The following PARVA variants were observed in gnomAD, a reference collection of about 807,000 sequenced individuals.
PARVA encodes the protein parvin alpha, also known as alpha-parvin.
Under a neutral mutation model 52.6 loss-of-function variants are expected in PARVA, and 25 were observed. That is an observed-to-expected ratio of 0.48 (90% CI 0.35 to 0.66). The LOEUF (loss-of-function observed/expected upper bound fraction) is 0.66. PARVA is among the 30% of genes least tolerant of loss of function. The pLI, the probability that PARVA is intolerant of heterozygous loss-of-function variation, is 0.01. For synonymous variants in PARVA, 185 were observed against 179.1 expected, an observed-to-expected ratio of 1.03 and a Z score of -0.26; for missense variants, 373 against 450.9, an observed-to-expected ratio of 0.83 and a Z score of 1.56.
At chr11:12,402,202 A>T (rs1369415096) in intron 1 of PARVA, among the ~76,000 whole-genome samples, 3 of 152,174 alleles carry the variant, frequency 2.0e-5, no homozygotes, top group Non-Finnish European at 4.4e-5. Flanking sequence ...TTAGATAAGA[A>T]GTAAGGGGAC....
intron 12 of PARVA, among the ~76,000 whole-genome samples, chr11:12,520,286 A>G (rs796120180): frequency 3.9e-5 from 6 of 152,366 alleles, no homozygotes; most frequent in African/African-American, 1.4e-4. Flanking sequence ...TGGAAATAGC[A>G]TTTTATGAAA....
At chr11:12,453,167 G>A in intron 1 of PARVA, 1 of 382,944 alleles carries the variant, frequency 2.6e-6, no homozygotes, top group Non-Finnish European at 5.3e-6. Context: ...TGCATTTGAA[G>A]GGTTTTTATA....
intron 1 of PARVA, among the ~76,000 whole-genome samples, chr11:12,391,884 T>C (rs1304665269): frequency 1.3e-5 from 2 of 152,290 alleles, no homozygotes; most frequent in East Asian, 1.9e-4. Flanking sequence ...GAGATACAAT[T>C]CACCCATTTA....
chr11:12,484,549 G>GTGTGTGTGTGTGT (rs1564859308), intron 4 of PARVA, among the ~76,000 whole-genome samples: 6 of 130,312 alleles, frequency 4.6e-5, no homozygotes, highest in African/African-American at 1.4e-4. Context: ...GTGTGTGTGT[G>GTGTGTGTGTGTGT]GTTTTCTTTT....
At chr11:12,385,138 C>T (rs887867399) in intron 1 of PARVA, among the ~76,000 whole-genome samples, 20 of 152,100 alleles carry the variant, frequency 1.3e-4, no homozygotes, top group Non-Finnish European at 5.9e-5. Flanking sequence ...GAGTTCAAGA[C>T]CAGCCTGGGC....
intron 1 of PARVA, among the ~76,000 whole-genome samples, chr11:12,451,088 C>G (rs1465082460): frequency 6.6e-6 from 1 of 152,232 alleles, no homozygotes; most frequent in East Asian, 1.9e-4. Context: ...CAGTTGAGGC[C>G]TAGCTGTGGC....
At chr11:12,379,996 G>A (rs1296613195) in intron 1 of PARVA, among the ~76,000 whole-genome samples, 1 of 152,136 alleles carries the variant, frequency 6.6e-6, no homozygotes, top group African/African-American at 2.4e-5. Flanking sequence ...TTATCTCTCT[G>A]TACCTATCAC....
At chr11:12,492,954 T>G (rs1190487842) in intron 4 of PARVA, among the ~76,000 whole-genome samples, 1 of 152,096 alleles carries the variant, frequency 6.6e-6, no homozygotes, top group Admixed American at 6.6e-5. Flanking sequence ...TTTTGAAAAA[T>G]AATGAGTTAT....
intron 4 of PARVA, among the ~76,000 whole-genome samples, chr11:12,489,619 C>T (rs762131099): frequency 6.6e-6 from 1 of 152,064 alleles, no homozygotes; most frequent in Non-Finnish European, 1.5e-5. Flanking sequence ...AGACATGAAT[C>T]CTCAGATTCA....
chr11:12,379,411 C>T (rs377494833), intron 1 of PARVA, among the ~76,000 whole-genome samples: 5 of 152,098 alleles, frequency 3.3e-5, no homozygotes, highest in East Asian at 1.9e-4. Flanking sequence ...ATATCCATCA[C>T]GTTAAAGATT....
chr11:12,488,925 T>G (rs989033474), intron 4 of PARVA, among the ~76,000 whole-genome samples: 3 of 152,010 alleles, frequency 2.0e-5, no homozygotes, highest in Non-Finnish European at 4.4e-5. Flanking sequence ...GAATATGACC[T>G]CAAAATTAGA....
intron 1 of PARVA, among the ~76,000 whole-genome samples, chr11:12,471,076 G>T (rs1363848866): frequency 6.6e-6 from 1 of 152,216 alleles, no homozygotes; most frequent in Non-Finnish European, 1.5e-5. Flanking sequence ...GAGAACTTAA[G>T]AGTGATTCCT....
intron 1 of PARVA, among the ~76,000 whole-genome samples, chr11:12,437,675 T>C (rs561031604): frequency 6.6e-6 from 1 of 152,290 alleles, no homozygotes; most frequent in African/African-American, 2.4e-5. Flanking sequence ...TAAAAGAGCA[T>C]CAAGGCTGTG....
At chr11:12,418,530 A>G (rs1940102334) in intron 1 of PARVA, among the ~76,000 whole-genome samples, 4 of 152,186 alleles carry the variant, frequency 2.6e-5, no homozygotes, top group Admixed American at 2.6e-4. Context: ...GGCTTGGAGC[A>G]GAGCCCAGCT....
At chr11:12,466,790 G>GTATGT in intron 1 of PARVA, among the ~76,000 whole-genome samples, 1 of 151,916 alleles carries the variant, frequency 6.6e-6, no homozygotes, top group East Asian at 1.9e-4. Flanking sequence ...ATTGATGATT[G>GTATGT]TATGTTTTTA....
At chr11:12,487,196 G>A (rs1390551422) in intron 4 of PARVA, among the ~76,000 whole-genome samples, 2 of 152,164 alleles carry the variant, frequency 1.3e-5, no homozygotes, top group Non-Finnish European at 2.9e-5. Context: ...ATGACTCCAT[G>A]AACCCCAGGA....
At chr11:12,433,091 A>G (rs1940337470) in intron 1 of PARVA, among the ~76,000 whole-genome samples, 1 of 152,192 alleles carries the variant, frequency 6.6e-6, no homozygotes, top group Non-Finnish European at 1.5e-5. Flanking sequence ...AATAAAATAC[A>G]CCCGAACCTC....
At chr11:12,424,747 C>T (rs777290554) in intron 1 of PARVA, among the ~76,000 whole-genome samples, 9 of 152,266 alleles carry the variant, frequency 5.9e-5, no homozygotes, top group East Asian at 5.8e-4. Context: ...GAATAAATCT[C>T]CTCTTCTGAT....
intron 4 of PARVA, among the ~76,000 whole-genome samples, chr11:12,483,031 T>C (rs1260342086): frequency 1.4e-4 from 21 of 152,342 alleles, no homozygotes. Flanking sequence ...TGTTCTCCAA[T>C]TGTGAGCTCA....
Sources: gnomAD v4.1 joint callset for allele counts (sites outside exome capture counted in the v4.1 genomes callset) on GRCh38, gnomAD v4.1.1 for gene constraint, MANE v1.5 for transcripts, NCBI Gene and HGNC (gene_info 2026-07-23, HGNC 2026-07-21) for gene names.